The following LRRIQ3 variants were observed in gnomAD, a reference collection of about 807,000 sequenced individuals.
LRRIQ3 encodes the protein leucine rich repeats and IQ motif containing 3.
A neutral mutation model predicts 59.3 loss-of-function variants in LRRIQ3; 75 were observed. That is an observed-to-expected ratio of 1.26 (90% CI 1.05 to 1.53). The LOEUF (loss-of-function observed/expected upper bound fraction) is 1.53. Ranked by LOEUF, LRRIQ3 falls within the 40% of genes most tolerant of loss-of-function variation. The pLI, the probability that LRRIQ3 is intolerant of heterozygous loss-of-function variation, is 0.00. For synonymous variants in LRRIQ3, 250 were observed against 231.3 expected, an observed-to-expected ratio of 1.08 and a Z score of -0.73; for missense variants, 831 against 710.0, an observed-to-expected ratio of 1.17 and a Z score of -1.94.
chr1:74,155,723 C>A lies in LRRIQ3; in HGVS notation c.707+10G>T. 1 of 1,562,274 alleles carries A rather than the reference C, an allele frequency of 6.4e-7. No homozygotes were observed. The highest frequency in any genetic ancestry group is 8.6e-7 in the Non-Finnish European group (1 of 1,162,370). Reference sequence around the variant, plus strand: ...TTCAATATTCAAATGGTAAAGAAAACAAAACATACCTCAAATTTTTTCTAA... The same window carrying A: ...TTCAATATTCAAATGGTAAAGAAAAAAAAACATACCTCAAATTTTTTCTAA... On this transcript the variant is annotated intron_variant, in intron 4 of 7. Coordinates refer to ENST00000354431, the MANE Select transcript of LRRIQ3 (RefSeq NM_001105659.2).
chr1:74,111,044 T>G (rs1386219379), intron 4 of LRRIQ3, among the ~76,000 whole-genome samples: 1 of 151,942 alleles, frequency 6.6e-6, no homozygotes, highest in Non-Finnish European at 1.5e-5. Context: ...CACTTTCCAA[T>G]ATAACAACAA....
chr1:74,128,095 G>C (rs1475249316), intron 4 of LRRIQ3, among the ~76,000 whole-genome samples: 1 of 151,940 alleles, frequency 6.6e-6, no homozygotes, highest in Non-Finnish European at 1.5e-5. Context: ...AGATATATTG[G>C]AGCTCCATGT....
intron 1 of LRRIQ3, among the ~76,000 whole-genome samples, chr1:74,185,759 C>T (rs534971785): frequency 5.9e-5 from 9 of 151,668 alleles, no homozygotes; most frequent in South Asian, 4.2e-4. Context: ...CTGGCTAATA[C>T]GGTGAAACCC....
chr1:74,033,058 G>A lies in LRRIQ3; in HGVS notation c.1719-6089C>T, dbSNP rs764257643. On this transcript the variant is annotated intron_variant, in intron 7 of 7. Coordinates refer to ENST00000354431, the MANE Select transcript of LRRIQ3 (RefSeq NM_001105659.2). ...TCTTGTTGAGAAGGAGAGGCCATAA[G>A]TGGTGTTTGAATAGAAAGCTGTACT... is the stretch of plus-strand genomic sequence containing the variant. 4.3e-4 allele frequency among the ~76,000 whole-genome samples: 66 copies of A among 152,138 alleles called. 1 individual carries two copies. The highest frequency in any genetic ancestry group is 3.4e-3 in the Middle Eastern group (1 of 294).
chr1:74,161,557 G>A (rs1177820439), intron 3 of LRRIQ3, among the ~76,000 whole-genome samples: 1 of 151,862 alleles, frequency 6.6e-6, no homozygotes, highest in African/African-American at 2.4e-5. Context: ...GGTGGCAAGG[G>A]GATGGGGGTA....
At chr1:74,028,759 T>C (rs545028125) in intron 7 of LRRIQ3, among the ~76,000 whole-genome samples, 1 of 152,078 alleles carries the variant, frequency 6.6e-6, no homozygotes, top group South Asian at 2.1e-4. Context: ...CAGGGTTTAG[T>C]AGGAAGTAAA....
At chr1:74,146,309 A>G (rs184652086) in intron 4 of LRRIQ3, among the ~76,000 whole-genome samples, 134 of 152,292 alleles carry the variant, frequency 8.8e-4, no homozygotes, top group Middle Eastern at 6.8e-3. Context: ...AATCATATAC[A>G]ATGTTAGTGT....
intron 3 of LRRIQ3, among the ~76,000 whole-genome samples, chr1:74,158,338 A>G (rs905566311): frequency 6.6e-6 from 1 of 152,188 alleles, no homozygotes; most frequent in Non-Finnish European, 1.5e-5. Context: ...AATGAAAGAC[A>G]AATTACAAAT....
At chr1:74,070,019 G>A (rs564749719) in intron 6 of LRRIQ3, among the ~76,000 whole-genome samples, 59 of 152,164 alleles carry the variant, frequency 3.9e-4, no homozygotes, top group African/African-American at 1.4e-3. Context: ...TTTATACACC[G>A]CTGATGGGAA....
chr1:74,026,688 G>C lies in LRRIQ3; in HGVS notation c.*125C>G, dbSNP rs1393639252. On this transcript the variant is annotated 3_prime_UTR_variant, in exon 8 of 8. Coordinates refer to ENST00000354431, the MANE Select transcript of LRRIQ3 (RefSeq NM_001105659.2). ...TTAACTAATCTTTATATTTTTAGAA[G>C]ACTTATATATAAATCCATCTTGTGA... The C allele has an allele frequency of 2.3e-5, 16 of 696,064 alleles. No individual in the cohort carries two copies. The highest frequency in any genetic ancestry group is 2.9e-5 in the Non-Finnish European group (13 of 448,916). The allele number at this position is 696,064 out of a possible 1,614,324, so 43.1% of individuals were successfully genotyped here. A position where few individuals can be genotyped will look rare whatever the true frequency, so the allele number is the denominator to read the frequency against.
rs189463836 is a variant in LRRIQ3, at chr1:74,117,624, G to C, written c.708-8071C>G. 1.3e-4 allele frequency among the ~76,000 whole-genome samples: 20 copies of C among 152,156 alleles called. No homozygotes were observed. In the East Asian group the frequency reaches 3.9e-3, roughly 29 times the overall value. ...CTAGTAATACTACACAAATTAGCCA[G>C]GCATGGTGATGCACACCTGTAATCC... On this transcript the variant is annotated intron_variant, in intron 4 of 7. Transcript: ENST00000354431.
chr1:74,197,989 C>T lies in LRRIQ3; in HGVS notation c.-1+7G>A. The stretch of plus-strand genomic sequence containing the variant: ...AACAATTTTGTCACCCAAACTGAAC[C>T]ACTCACCGGGTCAACTGGGCTGCAA... On this transcript the variant is annotated splice_region_variant and intron_variant, in intron 1 of 7. Coordinates refer to ENST00000354431, the MANE Select transcript of LRRIQ3 (RefSeq NM_001105659.2). The T allele has an allele frequency of 2.0e-6, 1 of 509,520 alleles. No homozygotes were observed. The highest frequency in any genetic ancestry group is 3.4e-6 in the Non-Finnish European group (1 of 293,888). 31.6% of individuals were successfully genotyped at this position (509,520 alleles called of 1,614,324 possible).
At chr1:74,069,673 T>C (rs999908010) in intron 6 of LRRIQ3, among the ~76,000 whole-genome samples, 1 of 152,180 alleles carries the variant, frequency 6.6e-6, no homozygotes, top group African/African-American at 2.4e-5. Flanking sequence ...TACCATTTAT[T>C]TGATAATATA....
chr1:74,159,870 C>T (rs1019387600), intron 3 of LRRIQ3, among the ~76,000 whole-genome samples: 5 of 152,052 alleles, frequency 3.3e-5, no homozygotes, highest in African/African-American at 9.7e-5. Context: ...GATTCTTCGT[C>T]GTGTCAACCA....
intron 4 of LRRIQ3, among the ~76,000 whole-genome samples, chr1:74,142,242 G>A (rs1171333149): frequency 6.6e-6 from 1 of 151,826 alleles, no homozygotes; most frequent in Non-Finnish European, 1.5e-5. Context: ...CACAGTAGCT[G>A]TACCAGTCTC....
chr1:74,184,266 C>A (rs533659460), intron 1 of LRRIQ3, among the ~76,000 whole-genome samples: 1 of 152,020 alleles, frequency 6.6e-6, no homozygotes. Context: ...GCTCAGAATT[C>A]TAATAGCTTT....
chr1:74,104,886 G>A (rs12026140), intron 5 of LRRIQ3, among the ~76,000 whole-genome samples: 44,627 of 151,830 alleles, frequency 0.29, 7,443 homozygotes, highest in Middle Eastern at 0.43. Flanking sequence ...GGTGTAGGAT[G>A]CCAATTGTGG....
At chr1:74,114,170 A>G (rs1247681472) in intron 4 of LRRIQ3, among the ~76,000 whole-genome samples, 3 of 152,016 alleles carry the variant, frequency 2.0e-5, no homozygotes, top group Non-Finnish European at 2.9e-5. Flanking sequence ...ACAAAAATAA[A>G]GAGAACTAAA....
At chr1:74,165,506 T>C (rs962456149) in intron 3 of LRRIQ3, among the ~76,000 whole-genome samples, 25 of 151,588 alleles carry the variant, frequency 1.6e-4, no homozygotes, top group Non-Finnish European at 3.0e-5. Context: ...TGAGGATTTT[T>C]TACATAGGTG....
Sources: allele counts gnomAD v4.1 joint callset (sites outside exome capture counted in the v4.1 genomes callset), GRCh38; gene constraint gnomAD v4.1.1; transcripts MANE v1.5; gene names NCBI Gene and HGNC (gene_info 2026-07-23, HGNC 2026-07-21).